SLC38A5: variants seen among roughly 807,000 people sequenced by gnomAD.
SLC38A5 encodes the protein sodium-coupled neutral amino acid transporter 5.
A neutral mutation model predicts 34.6 loss-of-function variants in SLC38A5; 9 were observed. That is an observed-to-expected ratio of 0.26 (90% CI 0.16 to 0.45). SLC38A5 has a LOEUF of 0.45. Ranked by LOEUF, SLC38A5 falls within the 20% of genes least tolerant of loss-of-function variation. The pLI, the probability that SLC38A5 is intolerant of heterozygous loss-of-function variation, is 1.00. For missense variants in SLC38A5, 253 were observed against 394.7 expected, an observed-to-expected ratio of 0.64 and a Z score of 3.04; for synonymous variants, 157 against 155.6, an observed-to-expected ratio of 1.01 and a Z score of -0.07.
rs1556963161 is a variant in SLC38A5, at chrX:48,466,110, A to T, written c.413-17T>A. ...TGGACATGGCTGGTGCAGGTGGGGG[A>T]GGTGTAAGCAGAAGGATTCTCTTCA... On this transcript the variant is annotated splice_polypyrimidine_tract_variant and intron_variant, in intron 7 of 16. Transcript: ENST00000620913. The T allele has an allele frequency of 8.5e-7, 1 of 1,182,074 alleles. No individual in the cohort carries two copies. Among genetic ancestry groups the T allele is most frequent in the South Asian group, 1.9e-5 (1 of 52,447 alleles).
At chrX:48,462,170 C>T in intron 10 of SLC38A5, 26 bp from the exon 11 acceptor site, 2 of 1,210,618 alleles carry the variant, frequency 1.7e-6, no homozygotes, top group Non-Finnish European at 2.2e-6. Flanking sequence ...GCAGGGAAGC[C>T]AGGTCATGGA....
intron 8 of SLC38A5, 113 bp downstream of exon 8, chrX:48,465,902 C>G (rs1556963077): frequency 1.5e-6 from 1 of 683,415 alleles, no homozygotes; most frequent in Non-Finnish European, 2.1e-6. Context: ...GCCCAGCAGT[C>G]TCAAACTAGA....
Position 48,458,792 on chromosome X carries a change from G to A in SLC38A5, c.*141C>T, listed in dbSNP as rs1556961198. 2.8e-6 allele frequency: 3 copies of A among 1,080,058 alleles called. No individual in the cohort carries two copies. Among genetic ancestry groups the A allele is most frequent in the African/African-American group, 3.8e-5 (2 of 53,071 alleles). The allele number at this position is 1,080,058 out of a possible 1,213,427, so 89.0% of individuals were successfully genotyped here. A position where few individuals can be genotyped will look rare whatever the true frequency, so the allele number is the denominator to read the frequency against. On this transcript the variant is annotated 3_prime_UTR_variant, in exon 17 of 17. Coordinates refer to ENST00000620913, the MANE Select transcript of SLC38A5 (RefSeq NM_033518.4). ...GGGGAGGAGGGAAGTGGGCCAGTCT[G>A]CAGCCTCTGCTGTCCCCCGCCTCTG...
intron 1 of SLC38A5, chrX:48,469,895 G>A (rs1192485467): frequency 9.0e-6 from 1 of 111,546 alleles, no homozygotes; most frequent in Non-Finnish European, 1.9e-5. Context: ...GGTAGGGATA[G>A]GCTCGTGGAA....
At chrX:48,459,465 A>G in intron 16 of SLC38A5, 71 bp downstream of exon 16, 1 of 939,521 alleles carries the variant, frequency 1.1e-6, no homozygotes, top group African/African-American at 2.0e-5. Context: ...TTTCACCTCC[A>G]GCCATCCTGG....
rs1556961220 is a variant in SLC38A5, at chrX:48,458,875, G to A, written c.*58C>T. The A allele has an allele frequency of 1.8e-6, 2 of 1,136,475 alleles. No homozygotes were observed. Among genetic ancestry groups the A allele is most frequent in the Non-Finnish European group, 2.3e-6 (2 of 857,092 alleles). 93.7% of individuals were successfully genotyped at this position (1,136,475 alleles called of 1,213,427 possible). ...CATGTTGGGCAGGAGGGACCCTAGGGAGCGGCCCTGACCCCTCCATGTGCA... is the reference window on the plus strand; with the variant it reads ...CATGTTGGGCAGGAGGGACCCTAGGAAGCGGCCCTGACCCCTCCATGTGCA... On this transcript the variant is annotated 3_prime_UTR_variant, in exon 17 of 17. Transcript: ENST00000620913.
intron 2 of SLC38A5, chrX:48,468,507 G>A: frequency 1.9e-6 from 1 of 539,789 alleles, no homozygotes; most frequent in East Asian, 1.7e-4. Flanking sequence ...AATGCAACCT[G>A]TTGAGTGAGC....
chrX:48,467,590 C>T, intron 4 of SLC38A5, 120 bp downstream of exon 4: 4 of 688,013 alleles, frequency 5.8e-6, no homozygotes, highest in Non-Finnish European at 9.0e-6. Flanking sequence ...TGTAGCTGTG[C>T]TGGGGAGATA....
At position 48,458,637 on chromosome X, in the gene SLC38A5, C is replaced by G. The variant is rs1186705164; in HGVS notation, c.*296G>C. 1 of 958,200 alleles carries G rather than the reference C, an allele frequency of 1.0e-6. No individual in the cohort carries two copies. The highest frequency in any genetic ancestry group is 2.0e-5 in the African/African-American group (1 of 49,927). 79.0% of individuals were successfully genotyped at this position (958,200 alleles called of 1,213,427 possible). On this transcript the variant is annotated 3_prime_UTR_variant, in exon 17 of 17. Coordinates refer to ENST00000620913, the MANE Select transcript of SLC38A5 (RefSeq NM_033518.4). The stretch of plus-strand genomic sequence containing the variant: ...AGGAGGCAGAGAGGACTGGGCTGGG[C>G]AAAGGCTCCACCAGGACCTGGCCTC...
chrX:48,466,221 A>C lies in SLC38A5; in HGVS notation c.412+9T>G. The C allele has an allele frequency of 1.8e-6, 2 of 1,122,586 alleles. No homozygotes were observed. 92.5% of individuals were successfully genotyped at this position (1,122,586 alleles called of 1,213,427 possible). The stretch of plus-strand genomic sequence containing the variant: ...CCCCAAGCTGACCCCCACCTCCCAG[A>C]GTCCTCACCCCCAACATTGTGCAGA... On this transcript the variant is annotated intron_variant, in intron 7 of 16. Transcript: ENST00000620913.
In SLC38A5 at chrX:48,461,021, C is replaced by A. The variant is rs1556961756; in HGVS notation, c.917G>T (p.Gly306Val). The A allele has an allele frequency of 8.3e-7, 1 of 1,209,781 alleles. No homozygotes were observed. Among genetic ancestry groups the A allele is most frequent in the South Asian group, 1.8e-5 (1 of 56,662 alleles). Residue 306 changes from glycine (G) to valine (V), a missense_variant, in exon 13 of 17, where the codon GGG (glycine) becomes GTG (valine). Coordinates refer to ENST00000620913, the MANE Select transcript of SLC38A5 (RefSeq NM_033518.4). ...VSIGAMFCMY[G>V]LTATFGYLTF... is the part of the protein sequence containing the mutation. ...GAGGTATCCAAAGGTTGCTGTGAGC[C>A]CATACATGCAGAACATGGCCCCAAT...
In SLC38A5 at chrX:48,459,033, G is replaced by A; in HGVS notation, c.1319C>T (p.Ala440Val). Residue 440 changes from alanine (A) to valine (V), a missense_variant and splice_region_variant, in exon 17 of 17, where the codon GCC becomes GTC. Physicochemically the swap from Ala to Val is moderately conservative, Grantham distance 64. Transcript: ENST00000620913. ...GACTCCCAGGACTCCAAAGCACAGGGCCTGTGGGCCAGAGAGACAAGATGG... is the reference window on the plus strand; with the variant it reads ...GACTCCCAGGACTCCAAAGCACAGGACCTGTGGGCCAGAGAGACAAGATGG... ...EPFLSWPKIQ[A>V]LCFGVLGVLF... is the part of the protein sequence containing the mutation. 1 of 1,186,077 alleles carries A rather than the reference G, an allele frequency of 8.4e-7. No individual in the cohort carries two copies. The highest frequency in any genetic ancestry group is 1.1e-6 in the Non-Finnish European group (1 of 881,912).
chrX:48,467,135 C>A, intron 4 of SLC38A5, 58 bp from the exon 5 acceptor site: 1 of 1,011,029 alleles, frequency 9.9e-7, no homozygotes, highest in Non-Finnish European at 1.4e-6. Context: ...GGTAAGGAGA[C>A]TAATGCCAGG....
At chrX:48,464,181 C>T (rs1556962707) in intron 8 of SLC38A5, among the ~76,000 whole-genome samples, 1 of 112,509 alleles carries the variant, frequency 8.9e-6, no homozygotes, top group African/African-American at 3.2e-5. Context: ...TCCAGCTGGC[C>T]ACACTGTTGG....
intron 13 of SLC38A5, 105 bp from the exon 14 acceptor site, chrX:48,460,869 G>A: frequency 9.9e-7 from 1 of 1,006,202 alleles, no homozygotes; most frequent in Non-Finnish European, 1.4e-6. Context: ...ATCCACACAA[G>A]TGAGGCACAC....
intron 1 of SLC38A5, 58 bp from the exon 2 acceptor site, chrX:48,469,494 A>G (rs1556964491): frequency 1.8e-5 from 2 of 110,641 alleles, no homozygotes; most frequent in Non-Finnish European, 1.9e-5. Flanking sequence ...GGGCGGGGGA[A>G]GAGGTGGAGA....
chrX:48,467,593 G>A, intron 4 of SLC38A5, 117 bp downstream of exon 4: 1 of 707,491 alleles, frequency 1.4e-6, no homozygotes, highest in Non-Finnish European at 2.2e-6. Context: ...AGCTGTGCTG[G>A]GGAGATAGCT....
At chrX:48,460,961 C>A (rs183035377) in intron 13 of SLC38A5, 25 bp downstream of exon 13, 15 of 1,118,756 alleles carry the variant, frequency 1.3e-5, no homozygotes, top group South Asian at 5.7e-5. Context: ...CCCCTCCCCC[C>A]AGCCCTAGCC....
In SLC38A5 at chrX:48,459,894, T is replaced by C. The variant is rs782420391; in HGVS notation, c.1069-18A>G. The C allele has an allele frequency of 8.3e-7, 1 of 1,197,652 alleles. No homozygotes were observed. Among genetic ancestry groups the C allele is most frequent in the South Asian group, 1.8e-5 (1 of 54,493 alleles). Reference sequence around the variant, plus strand: ...CGGCGGATCTGTGGCCAGAGTAGGGTGGGACAGAAGTCAGGACCCAAGTGC... The same window carrying C: ...CGGCGGATCTGTGGCCAGAGTAGGGCGGGACAGAAGTCAGGACCCAAGTGC... On this transcript the variant is annotated intron_variant, in intron 14 of 16. Coordinates refer to ENST00000620913, the MANE Select transcript of SLC38A5 (RefSeq NM_033518.4).
Sources: allele counts gnomAD v4.1 joint callset (sites outside exome capture counted in the v4.1 genomes callset), GRCh38; gene constraint gnomAD v4.1.1; transcripts MANE v1.5; gene names NCBI Gene and HGNC (gene_info 2026-07-23, HGNC 2026-07-21).